Variants in PPARGC1A observed in about 807,000 individuals in gnomAD.
The protein encoded by PPARGC1A is PPARG coactivator 1 alpha, also known as peroxisome proliferator-activated receptor gamma coactivator 1-alpha.
PPARGC1A carries 25 observed loss-of-function variants against 88.7 expected under a neutral mutation model. The observed-to-expected ratio is 0.28, with a 90% CI of 0.21 to 0.39. The LOEUF is 0.39. Ranked by LOEUF, PPARGC1A falls within the 10% of genes least tolerant of loss-of-function variation. PPARGC1A has a pLI of 1.00. For missense variants in PPARGC1A, 880 were observed against 968.7 expected (o/e 0.91, Z 1.22); for synonymous variants, 363 against 355.6 (o/e 1.02, Z -0.24).
chr4:24,420,713 C>A, the PPARGC1A span, among the ~76,000 whole-genome samples: 1 of 152,196 alleles, frequency 6.6e-6, no homozygotes, highest in African/African-American at 2.4e-5. Context: ...GCAGCCCTCC[C>A]CTACCACTTG....
chr4:23,824,896 G>A (rs1409221469), intron 5 of PPARGC1A, among the ~76,000 whole-genome samples: 1 of 152,074 alleles, frequency 6.6e-6, no homozygotes, highest in South Asian at 2.1e-4. Flanking sequence ...TGAATATTCA[G>A]TTGATTTTAC....
At chr4:23,850,160 T>C (rs1367139645) in intron 2 of PPARGC1A, among the ~76,000 whole-genome samples, 1 of 152,232 alleles carries the variant, frequency 6.6e-6, no homozygotes, top group Non-Finnish European at 1.5e-5. Flanking sequence ...AAAGTAATTG[T>C]GGTTTTGGTC....
At chr4:24,466,175 A>G in the PPARGC1A span, among the ~76,000 whole-genome samples, 1 of 152,220 alleles carries the variant, frequency 6.6e-6, no homozygotes, top group Non-Finnish European at 1.5e-5. Flanking sequence ...AAAAAGCATC[A>G]GGTAGTTATG....
chr4:23,913,267 T>TAGAGAGAGAGAGAGAGAG, the PPARGC1A span, among the ~76,000 whole-genome samples: 1 of 77,532 alleles, frequency 1.3e-5, no homozygotes, highest in African/African-American at 5.6e-5. Flanking sequence ...TATATATATA[T>TAGAGAGAGAGAGAGAGAG]AGAGAGAGAG....
the PPARGC1A span, among the ~76,000 whole-genome samples, chr4:24,085,891 C>T: frequency 3.9e-5 from 6 of 152,092 alleles, no homozygotes; most frequent in Non-Finnish European, 8.8e-5. Context: ...CTCTGTTAGC[C>T]AGCCTCATCT....
chr4:23,996,093 C>A, the PPARGC1A span, among the ~76,000 whole-genome samples: 1 of 152,040 alleles, frequency 6.6e-6, no homozygotes, highest in Non-Finnish European at 1.5e-5. Flanking sequence ...TTCTTAGTTG[C>A]CCAGACATTG....
At chr4:24,042,777 G>A in the PPARGC1A span, among the ~76,000 whole-genome samples, 2 of 151,866 alleles carry the variant, frequency 1.3e-5, no homozygotes, top group East Asian at 3.9e-4. Flanking sequence ...GTGCCCTATG[G>A]GTATATAAAT....
the PPARGC1A span, among the ~76,000 whole-genome samples, chr4:23,989,710 T>A: frequency 6.6e-6 from 1 of 151,956 alleles, no homozygotes; most frequent in East Asian, 1.9e-4. Context: ...AATGAGCAAA[T>A]GAATACTAAA....
the PPARGC1A span, among the ~76,000 whole-genome samples, chr4:24,412,679 A>G: frequency 2.0e-5 from 3 of 152,082 alleles, no homozygotes; most frequent in Non-Finnish European, 2.9e-5. Flanking sequence ...ACGGGGTTTC[A>G]CTATGTTGCC....
At chr4:24,075,053 A>C in the PPARGC1A span, among the ~76,000 whole-genome samples, 2 of 152,168 alleles carry the variant, frequency 1.3e-5, no homozygotes, top group African/African-American at 4.8e-5. Context: ...AGTGATAGAC[A>C]GAAGTGCATG....
intron 2 of PPARGC1A, among the ~76,000 whole-genome samples, chr4:23,835,370 T>C (rs557895035): frequency 1.3e-5 from 2 of 152,168 alleles, no homozygotes; most frequent in Non-Finnish European, 2.9e-5. Context: ...AATTAATTTA[T>C]AAGATCTGAT....
chr4:23,938,965 C>G, the PPARGC1A span, among the ~76,000 whole-genome samples: 1 of 152,200 alleles, frequency 6.6e-6, no homozygotes, highest in Non-Finnish European at 1.5e-5. Flanking sequence ...GAAGCCTCCA[C>G]AGCTGCTCTT....
At chr4:23,982,361 C>A in the PPARGC1A span, among the ~76,000 whole-genome samples, 1 of 152,292 alleles carries the variant, frequency 6.6e-6, no homozygotes, top group South Asian at 2.1e-4. Context: ...TGCTCCAGAG[C>A]CTGCCATCAT....
At chr4:24,432,680 G>C in the PPARGC1A span, among the ~76,000 whole-genome samples, 1 of 152,188 alleles carries the variant, frequency 6.6e-6, no homozygotes, top group African/African-American at 2.4e-5. Context: ...ACTGGATGGG[G>C]TTGTGTGATC....
At chr4:23,816,742 T>A (rs969619249) in intron 7 of PPARGC1A, among the ~76,000 whole-genome samples, 6 of 152,154 alleles carry the variant, frequency 3.9e-5, no homozygotes, top group African/African-American at 1.2e-4. Context: ...GCTAGGGTAA[T>A]TTTTACTTCT....
At chr4:24,118,531 A>G in the PPARGC1A span, among the ~76,000 whole-genome samples, 1 of 152,156 alleles carries the variant, frequency 6.6e-6, no homozygotes, top group African/African-American at 2.4e-5. Flanking sequence ...ACCAAAGGCA[A>G]GCCACAGTAG....
the PPARGC1A span, among the ~76,000 whole-genome samples, chr4:24,313,965 T>C: frequency 1.3e-5 from 2 of 152,234 alleles, no homozygotes; most frequent in South Asian, 2.1e-4. Flanking sequence ...TAGATGTATA[T>C]GTATCAACTT....
At chr4:24,215,441 G>GA in the PPARGC1A span, among the ~76,000 whole-genome samples, 249 of 151,710 alleles carry the variant, frequency 1.6e-3, 1 homozygote, top group African/African-American at 5.8e-3. Flanking sequence ...TTCGGAGAGA[G>GA]AAAAAAAAAT....
At chr4:24,251,726 T>C in the PPARGC1A span, among the ~76,000 whole-genome samples, 1 of 152,154 alleles carries the variant, frequency 6.6e-6, no homozygotes, top group Non-Finnish European at 1.5e-5. Flanking sequence ...TTTTCTGAGA[T>C]TCTACAACAG....
Sources: allele counts gnomAD v4.1 joint callset (sites outside exome capture counted in the v4.1 genomes callset), GRCh38; gene constraint gnomAD v4.1.1; transcripts MANE v1.5; gene names NCBI Gene and HGNC (gene_info 2026-07-23, HGNC 2026-07-21).